The following ATIC variants were observed in gnomAD, a reference collection of about 807,000 sequenced individuals.
The protein encoded by ATIC is 5-aminoimidazole-4-carboxamide ribonucleotide formyltransferase/IMP cyclohydrolase, also known as bifunctional purine biosynthesis protein ATIC.
In ATIC, 64 loss-of-function variants were observed where a neutral mutation model predicts 72.5. The observed-to-expected ratio is 0.88, with a 90% CI of 0.72 to 1.09. ATIC has a LOEUF of 1.09. Ranked by LOEUF, ATIC falls within the 50% of genes least tolerant of loss-of-function variation. ATIC has a pLI of 0.00. For synonymous variants in ATIC, 281 were observed against 267.1 expected (o/e 1.05, Z -0.51); for missense variants, 787 against 732.4 (o/e 1.07, Z -0.86).
chr2:215,318,556 A>G (rs898856141), intron 3 of ATIC, among the ~76,000 whole-genome samples: 2 of 152,222 alleles, frequency 1.3e-5, no homozygotes, highest in African/African-American at 4.8e-5. Context: ...AATAGTTCAA[A>G]CTTAGAAGAA....
At chr2:215,343,156 C>CT (rs533664290) in intron 12 of ATIC, among the ~76,000 whole-genome samples, 1,736 of 140,762 alleles carry the variant, frequency 0.012, 21 homozygotes, top group South Asian at 0.045. Flanking sequence ...GGTATTGCTA[C>CT]TTTTTTTTTT....
In ATIC at chr2:215,336,084, T is replaced by C. The variant is rs1359161636; in HGVS notation, c.1058T>C (p.Ile353Thr). The change falls in exon 11 of 16, where the codon ATA becomes ACA. Residue 353 changes from isoleucine (I) to threonine (T), a missense_variant. Coordinates refer to ENST00000236959, the MANE Select transcript of ATIC (RefSeq NM_004044.7). ...GGATATGAAGAAGAAGCCTTGACAA[T>C]ACTTTCCAAAAAGAAAAATGGAAAC... ...APGYEEEALT[I>T]LSKKKNGNYC... The C allele has an allele frequency of 6.2e-7, 1 of 1,613,312 alleles. No individual in the cohort carries two copies. The highest frequency in any genetic ancestry group is 8.5e-7 in the Non-Finnish European group (1 of 1,179,562).
chr2:215,358,932 G>T, the ATIC span, among the ~76,000 whole-genome samples: 1 of 152,134 alleles, frequency 6.6e-6, no homozygotes, highest in African/African-American at 2.4e-5. Flanking sequence ...GCCCATGCTG[G>T]AGTGCAATAG....
chr2:215,357,164 T>C, the ATIC span, among the ~76,000 whole-genome samples: 39 of 152,316 alleles, frequency 2.6e-4, no homozygotes, highest in Non-Finnish European at 5.0e-4. Context: ...GATGGGCATG[T>C]TTCATTGTAA....
At chr2:215,359,463 CAT>C in the ATIC span, among the ~76,000 whole-genome samples, 2 of 152,162 alleles carry the variant, frequency 1.3e-5, no homozygotes, top group African/African-American at 2.4e-5. Context: ...TGATGACCGA[CAT>C]ATGTGAGACA....
At chr2:215,317,070 T>C (rs1287369797) in intron 2 of ATIC, among the ~76,000 whole-genome samples, 2 of 152,186 alleles carry the variant, frequency 1.3e-5, no homozygotes, top group Admixed American at 6.5e-5. Flanking sequence ...GCCCCTGCTT[T>C]ATTTTTTCTT....
chr2:215,340,247 C>T (rs980093235), intron 12 of ATIC, among the ~76,000 whole-genome samples: 1 of 152,140 alleles, frequency 6.6e-6, no homozygotes, highest in African/African-American at 2.4e-5. Flanking sequence ...ACACTTAGGT[C>T]ACTCTATGGG....
intron 2 of ATIC, among the ~76,000 whole-genome samples, chr2:215,315,971 A>T (rs535537307): frequency 6.6e-6 from 1 of 150,726 alleles, no homozygotes; most frequent in African/African-American, 2.4e-5. Flanking sequence ...AAAAAAAAAG[A>T]TCTTGGTTCT....
At chr2:215,327,977 G>A (rs2052848015) in intron 7 of ATIC, among the ~76,000 whole-genome samples, 2 of 150,988 alleles carry the variant, frequency 1.3e-5, no homozygotes, top group African/African-American at 2.4e-5. Context: ...TGGTTCAAGC[G>A]ATTCTCCTGC....
the ATIC span, chr2:215,364,985 T>TGAGGGTCACA: frequency 1.9e-6 from 3 of 1,559,254 alleles, no homozygotes; most frequent in Non-Finnish European, 2.6e-6. Flanking sequence ...CGTTGCCTCA[T>TGAGGGTCACA]CTGCATATAG....
intron 13 of ATIC, 185 bp downstream of exon 13, chr2:215,345,056 T>C (rs1045296789): frequency 2.8e-5 from 19 of 678,472 alleles, no homozygotes; most frequent in Non-Finnish European, 3.9e-5. Flanking sequence ...TCAGAAAATA[T>C]CTTTGGAACC....
chr2:215,321,254 G>A (rs1345634127), intron 4 of ATIC, among the ~76,000 whole-genome samples: 3 of 151,948 alleles, frequency 2.0e-5, no homozygotes, highest in Admixed American at 6.6e-5. Context: ...TTTGTTCCTG[G>A]CTTCTTTCAC....
At chr2:215,336,591 A>G (rs1036000629) in intron 11 of ATIC, among the ~76,000 whole-genome samples, 1 of 152,234 alleles carries the variant, frequency 6.6e-6, no homozygotes, top group African/African-American at 2.4e-5. Context: ...TTCCTGAAAT[A>G]GTCTATGTAT....
chr2:215,340,349 G>A (rs1186382390), intron 12 of ATIC, among the ~76,000 whole-genome samples: 1 of 152,140 alleles, frequency 6.6e-6, no homozygotes, highest in Non-Finnish European at 1.5e-5. Context: ...ATAAAGAATG[G>A]ACAAGCTGAC....
intron 7 of ATIC, among the ~76,000 whole-genome samples, chr2:215,331,938 T>C (rs933198211): frequency 6.6e-6 from 1 of 152,228 alleles, no homozygotes; most frequent in African/African-American, 2.4e-5. Flanking sequence ...CTTTAGCTTG[T>C]AATATAATTT....
At position 215,338,789 on chromosome 2, in the gene ATIC, C is replaced by T. The variant is rs567816487; in HGVS notation, c.1109C>T (p.Ser370Phe). The change falls in exon 12 of 16, where the codon TCT becomes TTT. Residue 370 changes from serine (S) to phenylalanine (F), a missense_variant. Ser to Phe is a radical substitution (Grantham distance 155). Coordinates refer to ENST00000236959, the MANE Select transcript of ATIC (RefSeq NM_004044.7). ...AAATTTGTATTTTAGATGGACCAAT[C>T]TTACAAACCAGATGAAAATGAAGTT... ...GNYCVLQMDQSYKPDENEVRT... is the reference protein window; with the variant it reads ...GNYCVLQMDQFYKPDENEVRT... 1.2e-5 allele frequency: 20 copies of T among 1,613,592 alleles called. No individual in the cohort carries two copies. Among genetic ancestry groups the T allele is most frequent in the Non-Finnish European group, 1.5e-5 (18 of 1,179,730 alleles).
At chr2:215,367,705 T>C in the ATIC span, 1 of 758,908 alleles carries the variant, frequency 1.3e-6, no homozygotes, top group Non-Finnish European at 2.2e-6. Context: ...ATCATTTTTC[T>C]ATGATGCAAA....
chr2:215,362,613 C>T, the ATIC span: 1 of 159,272 alleles, frequency 6.3e-6, no homozygotes, highest in Admixed American at 6.0e-5. Flanking sequence ...TTCTAATGCA[C>T]CACTTTGCCA....
At chr2:215,313,655 C>T (rs2052679099) in intron 2 of ATIC, among the ~76,000 whole-genome samples, 2 of 152,296 alleles carry the variant, frequency 1.3e-5, no homozygotes, top group Non-Finnish European at 2.9e-5. Context: ...TTCTTGGTTT[C>T]TAGATCCATG....
Sources: allele counts gnomAD v4.1 joint callset (sites outside exome capture counted in the v4.1 genomes callset), GRCh38; gene constraint gnomAD v4.1.1; transcripts MANE v1.5; gene names NCBI Gene and HGNC (gene_info 2026-07-23, HGNC 2026-07-21).